The following PHF20 variants were observed in gnomAD, a reference collection of about 807,000 sequenced individuals.
PHF20 encodes glioma-expressed antigen 2.
A neutral mutation model predicts 113.5 loss-of-function variants in PHF20; 23 were observed. The ratio of observed to expected loss-of-function variants is 0.20; its 90% CI spans 0.15 to 0.29. PHF20 has a LOEUF of 0.29. Among genes scored for constraint, PHF20 ranks in the 10% least tolerant of loss-of-function variants. The pLI, the probability that PHF20 is intolerant of heterozygous loss-of-function variation, is 1.00. For synonymous variants in PHF20, 434 were observed against 457.3 expected (o/e 0.95, Z 0.65); for missense variants, 943 against 1,219.6 (o/e 0.77, Z 3.38).
At chr20:35,816,896 A>G (rs1382772913) in intron 2 of PHF20, among the ~76,000 whole-genome samples, 1 of 150,552 alleles carries the variant, frequency 6.6e-6, no homozygotes, top group Non-Finnish European at 1.5e-5. Flanking sequence ...GGTTCTAGCG[A>G]TTCTCTTGCC....
At chr20:35,872,943 T>C (rs2054448883) in intron 9 of PHF20, among the ~76,000 whole-genome samples, 2 of 152,146 alleles carry the variant, frequency 1.3e-5, no homozygotes, top group Non-Finnish European at 2.9e-5. Context: ...AAATTGATTT[T>C]TGTGGGGTTT....
At chr20:35,781,198 C>T (rs1467528912) in intron 1 of PHF20, among the ~76,000 whole-genome samples, 1 of 149,900 alleles carries the variant, frequency 6.7e-6, no homozygotes, top group Non-Finnish European at 1.5e-5. Context: ...GGCTGAAGTG[C>T]AGTGACACGA....
At chr20:35,882,510 C>G (rs1326724113) in intron 9 of PHF20, among the ~76,000 whole-genome samples, 1 of 152,214 alleles carries the variant, frequency 6.6e-6, no homozygotes, top group African/African-American at 2.4e-5. Context: ...TCACTGCAGC[C>G]TCAACCTCCT....
rs552713311 is a variant in PHF20 at position 35,938,094 on chromosome 20, G to T, written c.2301-603G>T. On this transcript the variant is annotated intron_variant, in intron 15 of 17. Coordinates refer to ENST00000374012, the MANE Select transcript of PHF20 (RefSeq NM_016436.5). Reference sequence around the variant, plus strand: ...TCACCGTGTTAGCCAGGATGGTCTCGATCTCCTGACCTCGTGATCCTCCTG... The same window carrying T: ...TCACCGTGTTAGCCAGGATGGTCTCTATCTCCTGACCTCGTGATCCTCCTG... Among the ~76,000 whole-genome samples the T allele has an allele frequency of 7.2e-5, 11 of 152,068 alleles. No individual in the cohort carries two copies. The South Asian group carries it at 2.3e-3, about 32-fold the overall frequency.
chr20:35,860,022 G>A (rs139493473), intron 5 of PHF20, among the ~76,000 whole-genome samples: 184 of 152,262 alleles, frequency 1.2e-3, no homozygotes, highest in African/African-American at 4.4e-3. Flanking sequence ...CCAAGTTAAA[G>A]TGATTCTCGT....
At chr20:35,806,625 C>T (rs889692863) in intron 2 of PHF20, among the ~76,000 whole-genome samples, 5 of 152,030 alleles carry the variant, frequency 3.3e-5, no homozygotes, top group Admixed American at 1.3e-4. Flanking sequence ...TGTACTAAGC[C>T]TCATATTTAC....
chr20:35,828,912 T>G (rs1465859718), intron 2 of PHF20, among the ~76,000 whole-genome samples: 1 of 152,202 alleles, frequency 6.6e-6, no homozygotes, highest in Non-Finnish European at 1.5e-5. Flanking sequence ...TTCTCAAAAT[T>G]TAGTGTCCTA....
intron 2 of PHF20, among the ~76,000 whole-genome samples, chr20:35,820,390 C>T (rs1473819898): frequency 6.6e-6 from 1 of 150,772 alleles, no homozygotes; most frequent in Non-Finnish European, 1.5e-5. Context: ...AACCAGCAGA[C>T]TGATATATAT....
rs551108633 is a variant in PHF20 at position 35,775,484 on chromosome 20, C to T, written c.-33+3405C>T. Among the ~76,000 whole-genome samples the T allele has an allele frequency of 7.2e-5, 11 of 152,144 alleles. No homozygotes were observed. In the East Asian group the frequency reaches 1.5e-3, roughly 21 times the overall value. On this transcript the variant is annotated intron_variant, in intron 1 of 17. Coordinates refer to ENST00000374012, the MANE Select transcript of PHF20 (RefSeq NM_016436.5). ...AATATTGGCCAAAACTGGCTGGGCA[C>T]GGTGGCTCATGCTTGTAATCCCAGC... is the stretch of plus-strand genomic sequence containing the variant.
chr20:35,908,764 C>T (rs2055244492), intron 10 of PHF20, among the ~76,000 whole-genome samples: 1 of 152,188 alleles, frequency 6.6e-6, no homozygotes, highest in South Asian at 2.1e-4. Context: ...CTTACTCAAC[C>T]TAATTCTAAT....
chr20:35,773,296 C>T (rs1216344957), intron 1 of PHF20, among the ~76,000 whole-genome samples: 2 of 152,132 alleles, frequency 1.3e-5, no homozygotes, highest in African/African-American at 4.8e-5. Context: ...GCCTTCCTAC[C>T]CTGTTTAGCT....
chr20:35,786,072 A>T (rs945027791), intron 1 of PHF20, among the ~76,000 whole-genome samples: 2 of 147,738 alleles, frequency 1.4e-5, no homozygotes, highest in Non-Finnish European at 3.0e-5. Context: ...TCTTGTAAGG[A>T]TAGCTGGTCA....
rs570962684 is a variant in PHF20, at chr20:35,938,484, C to T, written c.2301-213C>T. On this transcript the variant is annotated intron_variant, in intron 15 of 17. Coordinates refer to ENST00000374012, the MANE Select transcript of PHF20 (RefSeq NM_016436.5). The stretch of plus-strand genomic sequence containing the variant: ...GGTCTTCTGACTGAGAGTCCAGTCC[C>T]ACTCACTGTGTGTGACCACAGTGGG... 4 of 545,286 alleles carry T rather than the reference C, an allele frequency of 7.3e-6. No homozygotes were observed. In the East Asian group the frequency reaches 8.8e-5, roughly 12 times the overall value. 33.8% of individuals were successfully genotyped at this position (545,286 alleles called of 1,614,324 possible). A position where few individuals can be genotyped will look rare whatever the true frequency, so the allele number is the denominator to read the frequency against.
chr20:35,794,012 A>G (rs1304591203), intron 1 of PHF20, among the ~76,000 whole-genome samples: 1 of 145,444 alleles, frequency 6.9e-6, no homozygotes, highest in Admixed American at 6.9e-5. Context: ...AAAAAAAAAA[A>G]AAAAAGGCCA....
chr20:35,868,612 ACAAG>A (rs61053948), intron 6 of PHF20, among the ~76,000 whole-genome samples: 81 of 151,336 alleles, frequency 5.4e-4, no homozygotes, highest in African/African-American at 1.5e-3. Context: ...TCTCAAAAAA[ACAAG>A]CAAGCAAGCA....
intron 5 of PHF20, among the ~76,000 whole-genome samples, chr20:35,862,124 G>A (rs923350052): frequency 1.3e-5 from 2 of 152,176 alleles, no homozygotes; most frequent in Admixed American, 6.5e-5. Flanking sequence ...ACATAACTAA[G>A]AAGCGGTATT....
chr20:35,850,589 T>TG lies in PHF20; in HGVS notation c.340+3155_340+3156insG, dbSNP rs1229503947. 4 of 83,098 alleles carry TG rather than the reference T, an allele frequency of 4.8e-5. No homozygotes were observed. In the East Asian group the frequency reaches 8.3e-4, roughly 17 times the overall value. 5.1% of individuals were successfully genotyped at this position (83,098 alleles called of 1,614,324 possible). A position where few individuals can be genotyped will look rare whatever the true frequency, so the allele number is the denominator to read the frequency against. On this transcript the variant is annotated intron_variant, in intron 4 of 17. Coordinates refer to ENST00000374012, the MANE Select transcript of PHF20 (RefSeq NM_016436.5). ...ACTTGGCATCAATTATGAGCTGTTT[T>TG]TTTTTTTTTTTTTTTTTTTTTTTTT...
chr20:35,883,800 G>T (rs1046521705), intron 9 of PHF20, among the ~76,000 whole-genome samples: 1 of 152,064 alleles, frequency 6.6e-6, no homozygotes, highest in Non-Finnish European at 1.5e-5. Flanking sequence ...TAAGATGCTG[G>T]GTGCTATATA....
At chr20:35,903,871 T>A (rs1172864549) in intron 10 of PHF20, among the ~76,000 whole-genome samples, 1 of 152,182 alleles carries the variant, frequency 6.6e-6, no homozygotes, top group African/African-American at 2.4e-5. Flanking sequence ...GCTGCCTTAT[T>A]CTGCTGCAGC....
Sources: gnomAD v4.1 joint callset for allele counts (sites outside exome capture counted in the v4.1 genomes callset) on GRCh38, gnomAD v4.1.1 for gene constraint, MANE v1.5 for transcripts, NCBI Gene and HGNC (gene_info 2026-07-23, HGNC 2026-07-21) for gene names.